The following R3HCC1L variants were observed in gnomAD, a reference collection of about 807,000 sequenced individuals.
R3HCC1L encodes the protein coiled-coil domain-containing protein R3HCC1L.
Under a neutral mutation model 59.9 loss-of-function variants are expected in R3HCC1L, and 51 were observed. That is an observed-to-expected ratio of 0.85 (90% CI 0.68 to 1.07). The LOEUF (loss-of-function observed/expected upper bound fraction) is 1.07. Among genes scored for constraint, R3HCC1L ranks in the 50% least tolerant of loss-of-function variants. The pLI, the probability that R3HCC1L is intolerant of heterozygous loss-of-function variation, is 0.00. For missense variants in R3HCC1L, 965 were observed against 933.0 expected (o/e 1.03, Z -0.45); for synonymous variants, 322 against 315.2 (o/e 1.02, Z -0.23).
At chr10:98,195,426 GAA>G (rs886600647) in intron 4 of R3HCC1L, among the ~76,000 whole-genome samples, 1 of 151,378 alleles carries the variant, frequency 6.6e-6, no homozygotes, top group Non-Finnish European at 1.5e-5. Flanking sequence ...TGAGAATTGT[GAA>G]GAGGTAAATT....
intron 5 of R3HCC1L, among the ~76,000 whole-genome samples, chr10:98,228,451 T>G (rs1855944580): frequency 1.3e-5 from 2 of 152,230 alleles, no homozygotes; most frequent in Admixed American, 1.3e-4. Flanking sequence ...CTTGTAAATT[T>G]GTTTCAGTTC....
At chr10:98,164,532 A>G (rs1199729087) in intron 4 of R3HCC1L, among the ~76,000 whole-genome samples, 1 of 152,140 alleles carries the variant, frequency 6.6e-6, no homozygotes, top group Non-Finnish European at 1.5e-5. Flanking sequence ...AATCTTGGTT[A>G]TTTGAAATCT....
chr10:98,135,552 C>T (rs1365564851), intron 1 of R3HCC1L, among the ~76,000 whole-genome samples: 2 of 152,138 alleles, frequency 1.3e-5, no homozygotes, highest in Non-Finnish European at 2.9e-5. Context: ...GTTTTAAAAC[C>T]AGGTTCATGT....
At chr10:98,161,474 G>A (rs992510821) in intron 2 of R3HCC1L, among the ~76,000 whole-genome samples, 3 of 152,026 alleles carry the variant, frequency 2.0e-5, no homozygotes, top group Admixed American at 6.6e-5. Flanking sequence ...GTGTTTGTGC[G>A]TAGGTATGAA....
chr10:98,152,248 C>G (rs1052874103), intron 1 of R3HCC1L, among the ~76,000 whole-genome samples: 1 of 152,256 alleles, frequency 6.6e-6, no homozygotes, highest in Non-Finnish European at 1.5e-5. Flanking sequence ...GTCTTGTTCA[C>G]TCAGTGCTCA....
chr10:98,198,454 G>A (rs1043150712), intron 4 of R3HCC1L, among the ~76,000 whole-genome samples: 4 of 150,612 alleles, frequency 2.7e-5, no homozygotes, highest in African/African-American at 9.8e-5. Context: ...ATAGTGTAGT[G>A]AAACCAAGGA....
chr10:98,177,711 A>AGG, intron 4 of R3HCC1L, among the ~76,000 whole-genome samples: 1 of 152,176 alleles, frequency 6.6e-6, no homozygotes, highest in East Asian at 1.9e-4. Context: ...TGACTTTTTA[A>AGG]CGATCGCCAT....
At position 98,231,588 on chromosome 10, in the gene R3HCC1L, T is replaced by C. The variant is rs1434683878; in HGVS notation, c.1862T>C (p.Ile621Thr). 4.3e-6 allele frequency: 7 copies of C among 1,612,450 alleles called. No individual in the cohort carries two copies. Among genetic ancestry groups the C allele is most frequent in the Admixed American group, 1.7e-5 (1 of 59,934 alleles). The change falls in exon 6 of 10, where the codon ATT (isoleucine) becomes ACT (threonine). Residue 621 changes from isoleucine (I) to threonine (T), a missense_variant. Coordinates refer to ENST00000298999, the MANE Select transcript of R3HCC1L (RefSeq NM_001351015.2). ...TACTACAATCATGAAGTTCCTGATA[T>C]TGACCTCAGTGATTGTGAATTCCCA... is the stretch of plus-strand genomic sequence containing the variant. ...SDYYNHEVPD[I>T]DLSDCEFPHV...
chr10:98,225,421 T>G (rs549696141), intron 5 of R3HCC1L, among the ~76,000 whole-genome samples: 1 of 152,358 alleles, frequency 6.6e-6, no homozygotes, highest in South Asian at 2.1e-4. Flanking sequence ...TTGCATGTTT[T>G]GCTGAGATTC....
chr10:98,236,261 C>T (rs969502880), intron 9 of R3HCC1L, 97 bp downstream of exon 9: 13 of 1,474,654 alleles, frequency 8.8e-6, no homozygotes, highest in Admixed American at 7.2e-5. Context: ...CCATTTTTGT[C>T]GTTTCTGTTT....
chr10:98,149,517 A>G (rs1377871974), intron 1 of R3HCC1L, among the ~76,000 whole-genome samples: 1 of 152,112 alleles, frequency 6.6e-6, no homozygotes, highest in African/African-American at 2.4e-5. Context: ...CTTTTGCTGT[A>G]TTCTATAGAT....
chr10:98,200,058 C>T (rs1484404512), intron 4 of R3HCC1L, among the ~76,000 whole-genome samples: 2 of 152,040 alleles, frequency 1.3e-5, no homozygotes, highest in African/African-American at 4.8e-5. Context: ...ATTCTATCAT[C>T]GTCCTTCTTT....
chr10:98,234,031 A>C (rs2135672070), intron 6 of R3HCC1L, among the ~76,000 whole-genome samples: 1 of 152,188 alleles, frequency 6.6e-6, no homozygotes. Context: ...CAGAGTTTAC[A>C]TTTGCATTAA....
At chr10:98,198,518 T>C (rs1185499804) in intron 4 of R3HCC1L, among the ~76,000 whole-genome samples, 2 of 150,746 alleles carry the variant, frequency 1.3e-5, no homozygotes, top group Non-Finnish European at 3.0e-5. Context: ...CTTCCACAGT[T>C]TCAAACATAA....
intron 4 of R3HCC1L, among the ~76,000 whole-genome samples, chr10:98,176,790 G>A (rs1467345897): frequency 2.0e-5 from 3 of 151,934 alleles, no homozygotes; most frequent in Non-Finnish European, 4.4e-5. Context: ...TGCATCTTAC[G>A]GGGAGAGCAT....
intron 4 of R3HCC1L, among the ~76,000 whole-genome samples, chr10:98,179,976 C>T (rs2134543999): frequency 6.6e-6 from 1 of 152,198 alleles, no homozygotes; most frequent in Middle Eastern, 3.4e-3. Flanking sequence ...TGCTAGTGGT[C>T]TATCAATTTT....
chr10:98,137,222 A>G lies in R3HCC1L; in HGVS notation c.-268+2516A>G, dbSNP rs537208185. ...AAGACTCCCGTCTCAAAAAAAAAAA[A>G]GTTTGTAAGCATTTTGGATTTCGGA... On this transcript the variant is annotated intron_variant, in intron 1 of 9. Transcript: ENST00000298999. 3.3e-5 allele frequency among the ~76,000 whole-genome samples: 5 copies of G among 152,272 alleles called. No homozygotes were observed. The South Asian group carries it at 1.0e-3, about 32-fold the overall frequency.
chr10:98,174,852 T>C (rs1398933603), intron 4 of R3HCC1L: 1 of 849,038 alleles, frequency 1.2e-6, no homozygotes, highest in East Asian at 1.2e-4. Context: ...TTAGAAAAAA[T>C]TCTTACATAT....
Position 98,244,175 on chromosome 10 carries a change from G to T in R3HCC1L, c.*17G>T. The T allele has an allele frequency of 1.2e-6, 2 of 1,608,732 alleles. No individual in the cohort carries two copies. Among genetic ancestry groups the T allele is most frequent in the South Asian group, 1.1e-5 (1 of 90,884 alleles). On this transcript the variant is annotated 3_prime_UTR_variant, in exon 10 of 10. Transcript: ENST00000298999. ...ACAGTTTGAACATCACTCAATGAAA[G>T]GGATAATTCCATGAATCAGAAAATG...
Sources: gnomAD v4.1 joint callset for allele counts (sites outside exome capture counted in the v4.1 genomes callset) on GRCh38, gnomAD v4.1.1 for gene constraint, MANE v1.5 for transcripts, NCBI Gene and HGNC (gene_info 2026-07-23, HGNC 2026-07-21) for gene names.